SLC31A1: variants seen among roughly 807,000 people sequenced by gnomAD.
The protein encoded by SLC31A1 is high affinity copper uptake protein 1.
SLC31A1 carries 5 observed loss-of-function variants against 17.2 expected under a neutral mutation model. The observed-to-expected ratio is 0.29, with a 90% confidence interval of 0.15 to 0.61. The LOEUF is 0.61. Among genes scored for constraint, SLC31A1 ranks in the 20% least tolerant of loss-of-function variants. The pLI is 0.86. For missense variants in SLC31A1, 161 were observed against 241.4 expected (o/e 0.67, Z 2.21); for synonymous variants, 76 against 78.8 (o/e 0.96, Z 0.19).
intron 1 of SLC31A1, among the ~76,000 whole-genome samples, chr9:113,240,227 C>G (rs1831507133): frequency 6.6e-6 from 1 of 152,132 alleles, no homozygotes; most frequent in Non-Finnish European, 1.5e-5. Context: ...TACATTTTTA[C>G]TGAGAGAGCC....
rs539215469 is a variant in SLC31A1, at chr9:113,260,529, G to C, written c.*56G>C. ...TGCAGTGGGAAGTTGTTGAAGACTT[G>C]AAGACGTGATTCCTGCTCCAATCAT... is the stretch of plus-strand genomic sequence containing the variant. On this transcript the variant is annotated 3_prime_UTR_variant, in exon 5 of 5. Coordinates refer to ENST00000374212, the MANE Select transcript of SLC31A1 (RefSeq NM_001859.4). The C allele has an allele frequency of 7.0e-7, 1 of 1,429,912 alleles. No homozygotes were observed. Among genetic ancestry groups the C allele is most frequent in the Non-Finnish European group, 9.8e-7 (1 of 1,025,540 alleles). The allele number at this position is 1,429,912 out of a possible 1,614,324, so 88.6% of individuals were successfully genotyped here. A position where few individuals can be genotyped will look rare whatever the true frequency, so the allele number is the denominator to read the frequency against.
chr9:113,257,026 CT>C, intron 2 of SLC31A1, 86 bp from the exon 3 acceptor site: 2 of 1,101,278 alleles, frequency 1.8e-6, no homozygotes, highest in Non-Finnish European at 2.8e-6. Flanking sequence ...AGATCTTCTA[CT>C]TTTAAATGTT....
intron 2 of SLC31A1, chr9:113,256,514 A>C: frequency 2.4e-6 from 1 of 414,650 alleles, no homozygotes; most frequent in South Asian, 3.5e-5. Context: ...TCTGAAATCG[A>C]CTCTTTTCTG....
intron 1 of SLC31A1, among the ~76,000 whole-genome samples, chr9:113,226,733 G>A (rs1831345714): frequency 6.6e-6 from 1 of 152,148 alleles, no homozygotes; most frequent in South Asian, 2.1e-4. Flanking sequence ...AAATGATTTG[G>A]AGGGAACATA....
At position 113,256,268 on chromosome 9, in the gene SLC31A1, G is replaced by A; in HGVS notation, c.120G>A (p.Met40Ile). 6.2e-7 allele frequency: 1 copy of A among 1,612,880 alleles called. No homozygotes were observed. The highest frequency in any genetic ancestry group is 2.2e-5 in the East Asian group (1 of 44,828). Residue 40 changes from methionine (M) to isoleucine (I), a missense_variant, in exon 2 of 5, where the codon ATG becomes ATA. Coordinates refer to ENST00000374212, the MANE Select transcript of SLC31A1 (RefSeq NM_001859.4). ...CCCATGGTGGAGGAGACAGCAGCAT[G>A]ATGATGATGGTGAGTGCCATAGGAG... ...SHSHGGGDSS[M>I]MMMPMTFYFG...
chr9:113,234,775 G>C (rs1002571478), intron 1 of SLC31A1, among the ~76,000 whole-genome samples: 1 of 152,052 alleles, frequency 6.6e-6, no homozygotes, highest in Non-Finnish European at 1.5e-5. Context: ...AGAAGCACTT[G>C]AGTTAGGAAA....
intron 1 of SLC31A1, among the ~76,000 whole-genome samples, chr9:113,232,531 A>T (rs1445988050): frequency 6.6e-6 from 1 of 152,018 alleles, no homozygotes; most frequent in African/African-American, 2.4e-5. Context: ...CAAGCTCCCA[A>T]ATCAAGAACA....
intron 1 of SLC31A1, among the ~76,000 whole-genome samples, chr9:113,252,954 CTTTTTTT>C (rs369221979): frequency 9.5e-6 from 1 of 105,514 alleles, no homozygotes; most frequent in Non-Finnish European, 1.8e-5. Context: ...TTCTTTTTTT[CTTTTTTT>C]TTTTTTTTTT....
At chr9:113,236,013 A>C (rs1005500604) in intron 1 of SLC31A1, among the ~76,000 whole-genome samples, 2 of 152,222 alleles carry the variant, frequency 1.3e-5, no homozygotes, top group Non-Finnish European at 2.9e-5. Context: ...GTTTTGAGAC[A>C]GTCTTGCTGT....
At chr9:113,245,496 G>A (rs1355340138) in intron 1 of SLC31A1, among the ~76,000 whole-genome samples, 1 of 152,110 alleles carries the variant, frequency 6.6e-6, no homozygotes, top group Non-Finnish European at 1.5e-5. Flanking sequence ...CCAGCACCCG[G>A]GGAATGAGTA....
intron 1 of SLC31A1, among the ~76,000 whole-genome samples, chr9:113,237,517 T>C (rs1831474989): frequency 1.3e-5 from 2 of 152,080 alleles, no homozygotes; most frequent in African/African-American, 2.4e-5. Flanking sequence ...GCTTACTTGA[T>C]GTTGAGAGAC....
intron 4 of SLC31A1, 141 bp from the exon 5 acceptor site, chr9:113,260,131 C>T (rs1408956230): frequency 2.7e-6 from 2 of 743,334 alleles, no homozygotes; most frequent in Non-Finnish European, 4.9e-6. Context: ...ATGGACCAAT[C>T]AAAGAACATT....
At chr9:113,247,599 ACTGTGT>A (rs1197532359) in intron 1 of SLC31A1, among the ~76,000 whole-genome samples, 5 of 152,186 alleles carry the variant, frequency 3.3e-5, no homozygotes, top group African/African-American at 4.8e-5. Flanking sequence ...GATTTTACAG[ACTGTGT>A]CTGTCTTGCA....
intron 1 of SLC31A1, among the ~76,000 whole-genome samples, chr9:113,231,103 G>T (rs886691321): frequency 3.3e-5 from 5 of 152,076 alleles, no homozygotes; most frequent in African/African-American, 1.2e-4. Context: ...TCCCTGCTCA[G>T]CCTTGACACA....
intron 1 of SLC31A1, chr9:113,227,443 G>A (rs10121845): frequency 0.34 from 50,817 of 151,606 alleles, 8,651 homozygotes; most frequent in African/African-American, 0.39. Context: ...TGATAGAGTC[G>A]GGGCTTTGCC....
At chr9:113,238,950 A>G (rs1831493285) in intron 1 of SLC31A1, among the ~76,000 whole-genome samples, 1 of 152,192 alleles carries the variant, frequency 6.6e-6, no homozygotes, top group African/African-American at 2.4e-5. Flanking sequence ...TGTCCCTCCC[A>G]GAGGCTAGTT....
At position 113,261,366 on chromosome 9, in the gene SLC31A1, A is replaced by G. The variant is rs1831791164; in HGVS notation, c.*893A>G. 1 of 152,642 alleles carries G rather than the reference A, an allele frequency of 6.6e-6. No homozygotes were observed. The highest frequency in any genetic ancestry group is 2.4e-5 in the African/African-American group (1 of 41,460). The allele number at this position is 152,642 out of a possible 1,614,324, so 9.5% of individuals were successfully genotyped here. A position where few individuals can be genotyped will look rare whatever the true frequency, so the allele number is the denominator to read the frequency against. ...TTATACCAAAATCTTTGTAGTGTGC[A>G]GAGCGGTGGTTTGAGACTAAATACA... On this transcript the variant is annotated 3_prime_UTR_variant, in exon 5 of 5. Transcript: ENST00000374212.
At chr9:113,232,796 A>G (rs1044057021) in intron 1 of SLC31A1, among the ~76,000 whole-genome samples, 1 of 151,954 alleles carries the variant, frequency 6.6e-6, no homozygotes, top group African/African-American at 2.4e-5. Flanking sequence ...GTGAGCCGAG[A>G]TCGCACCACT....
rs1450438837 is a variant in SLC31A1 at position 113,232,829 on chromosome 9, A to C, written c.-36+11151A>C. On this transcript the variant is annotated intron_variant, in intron 1 of 4. Coordinates refer to ENST00000374212, the MANE Select transcript of SLC31A1 (RefSeq NM_001859.4). ...ACTGCACTCCAGCCTGGGTGACGAGAGTGAAACTCTGTCTCAAAAAAAAAA... is the reference window on the plus strand; with the variant it reads ...ACTGCACTCCAGCCTGGGTGACGAGCGTGAAACTCTGTCTCAAAAAAAAAA... Among the ~76,000 whole-genome samples, 6 of 152,042 alleles carry C rather than the reference A, an allele frequency of 3.9e-5. No homozygotes were observed. The East Asian group carries it at 1.2e-3, about 29-fold the overall frequency.
Sources: allele counts gnomAD v4.1 joint callset (sites outside exome capture counted in the v4.1 genomes callset), GRCh38; gene constraint gnomAD v4.1.1; transcripts MANE v1.5; gene names NCBI Gene and HGNC (gene_info 2026-07-23, HGNC 2026-07-21).